Variants in PLA2G6 observed in about 807,000 individuals in gnomAD.
PLA2G6 encodes phospholipase A2 group VI.
In PLA2G6, 62 loss-of-function variants were observed where a neutral mutation model predicts 83.8. That is an observed-to-expected ratio of 0.74 (90% CI 0.60 to 0.91). PLA2G6 has a LOEUF of 0.91. Among genes scored for constraint, PLA2G6 ranks in the 40% least tolerant of loss-of-function variants. The probability of loss-of-function intolerance (pLI) is 0.00; values close to 1 mark genes in which losing one functional copy is unlikely to be tolerated. For synonymous variants in PLA2G6, 417 were observed against 449.8 expected (o/e 0.93, Z 0.92); for missense variants, 944 against 1,102.0 (o/e 0.86, Z 2.03).
intron 14 of PLA2G6, among the ~76,000 whole-genome samples, chr22:38,114,733 C>T (rs907613946): frequency 2.6e-5 from 4 of 152,196 alleles, no homozygotes; most frequent in Non-Finnish European, 4.4e-5. Context: ...CCTGGGGCTT[C>T]GGGAAACCAC....
At chr22:38,157,155 T>C (rs1231451498) in intron 2 of PLA2G6, among the ~76,000 whole-genome samples, 1 of 151,390 alleles carries the variant, frequency 6.6e-6, no homozygotes, top group Non-Finnish European at 1.5e-5. Context: ...AACAAAACAA[T>C]ACAAAAGATC....
intron 5 of PLA2G6, 67 bp downstream of exon 5, chr22:38,139,915 C>G: frequency 1.5e-6 from 2 of 1,306,780 alleles, no homozygotes; most frequent in East Asian, 2.5e-5. Context: ...TTGCCTCAGG[C>G]ACGGGACAGG....
chr22:38,125,222 A>G lies in PLA2G6; in HGVS notation c.1427+1149T>C, dbSNP rs531665195. Among the ~76,000 whole-genome samples the G allele has an allele frequency of 5.3e-5, 8 of 151,954 alleles. No homozygotes were observed. In the East Asian group the frequency reaches 1.4e-3, roughly 26 times the overall value. ...TGTGTGTGCATGCACGTGTGTTTGCATGTGTGCATGTGTGTGCGTGTCCAT... is the reference window on the plus strand; with the variant it reads ...TGTGTGTGCATGCACGTGTGTTTGCGTGTGTGCATGTGTGTGCGTGTCCAT... On this transcript the variant is annotated intron_variant, in intron 10 of 16. Transcript: ENST00000332509.
intron 9 of PLA2G6, chr22:38,127,125 C>A: frequency 1.8e-6 from 2 of 1,127,578 alleles, no homozygotes; most frequent in Non-Finnish European, 2.2e-6. Flanking sequence ...CCTGGTGCAG[C>A]AGCCCGCGTG....
At chr22:38,144,972 C>G (rs1422491066) in intron 3 of PLA2G6, 1 of 366,680 alleles carries the variant, frequency 2.7e-6, no homozygotes, top group Non-Finnish European at 5.2e-6. Context: ...GGTGAGCACT[C>G]CGGACTCTGG....
rs970135763 is a variant in PLA2G6 at position 38,170,129 on chromosome 22, C to T, written c.-45-658G>A. 2.1e-4 allele frequency among the ~76,000 whole-genome samples: 31 copies of T among 147,684 alleles called. 2 individuals carry two copies. Among genetic ancestry groups the T allele is most frequent in the Middle Eastern group, 3.5e-3 (1 of 286 alleles). ...AGGAGAATCACTTGAACCCGGGAGG[C>T]AGAGGTTGCAGTGAGCTGAGATCGC... On this transcript the variant is annotated intron_variant, in intron 1 of 16. Transcript: ENST00000332509.
chr22:38,148,631 G>T, intron 2 of PLA2G6: 1 of 704,254 alleles, frequency 1.4e-6, no homozygotes, highest in South Asian at 1.5e-5. Flanking sequence ...CGTCTGCCAA[G>T]AGGAGAGCCC....
At chr22:38,161,595 G>A (rs9622743) in intron 2 of PLA2G6, among the ~76,000 whole-genome samples, 6,111 of 152,254 alleles carry the variant, frequency 0.04, 173 homozygotes, top group Middle Eastern at 0.058. Context: ...GTGTCAAGAA[G>A]TAGATGACAG....
intron 2 of PLA2G6, chr22:38,147,538 C>CTTTTTTTTTTTTTTTTTTTT: frequency 8.0e-6 from 1 of 124,942 alleles, no homozygotes; most frequent in Non-Finnish European, 1.7e-5. Context: ...CTCCTGAAGC[C>CTTTTTTTTTTTTTTTTTTTT]TTTTTTTTTT....
intron 2 of PLA2G6, among the ~76,000 whole-genome samples, chr22:38,158,940 T>G (rs1451522169): frequency 6.6e-6 from 1 of 152,150 alleles, no homozygotes; most frequent in Non-Finnish European, 1.5e-5. Context: ...GGCTCACACT[T>G]GTAATCCCAG....
At chr22:38,125,185 T>C (rs534205084) in intron 10 of PLA2G6, among the ~76,000 whole-genome samples, 9 of 152,022 alleles carry the variant, frequency 5.9e-5, no homozygotes, top group Non-Finnish European at 7.4e-5. Context: ...TGTGTATGTG[T>C]GCGCATGTGT....
rs1162262467 is a variant in PLA2G6 at position 38,142,822 on chromosome 22, G to A, written c.609+283C>T. ...GTTTGTGCTCAGGAAAAGTGGAACT[G>A]AACTAACTGACTGGAGCTGGGCCTT... is the stretch of plus-strand genomic sequence containing the variant. On this transcript the variant is annotated intron_variant, in intron 4 of 16. Coordinates refer to ENST00000332509, the MANE Select transcript of PLA2G6 (RefSeq NM_003560.4). 1.5e-5 allele frequency: 7 copies of A among 470,308 alleles called. 1 individual carries two copies. The East Asian group carries it at 3.0e-4, about 20-fold the overall frequency. 29.1% of individuals were successfully genotyped at this position (470,308 alleles called of 1,614,324 possible).
Position 38,120,780 on chromosome 22 carries a change from ATCTTGGTGTGCT to A in PLA2G6, c.1709_1720del (p.Glu570_Met574delinsVal). Reference sequence around the variant, plus strand: ...TTACTTGGGTTTCCTGACGTCCGTCATCTTGGTGTGCTCCCCAAACTCCCGCTTCAGGAACTC... The same window carrying A: ...TTACTTGGGTTTCCTGACGTCCGTCACCCCAAACTCCCGCTTCAGGAACTC... On this transcript the variant is annotated inframe_deletion, in exon 12 of 17. Coordinates refer to ENST00000332509, the MANE Select transcript of PLA2G6 (RefSeq NM_003560.4). 1 of 1,613,792 alleles carries A rather than the reference ATCTTGGTGTGCT, an allele frequency of 6.2e-7. No homozygotes were observed. Among genetic ancestry groups the A allele is most frequent in the South Asian group, 1.1e-5 (1 of 91,080 alleles).
intron 2 of PLA2G6, among the ~76,000 whole-genome samples, chr22:38,154,521 T>G (rs1279938282): frequency 6.6e-6 from 1 of 152,222 alleles, no homozygotes; most frequent in African/African-American, 2.4e-5. Context: ...CCTTTACGAG[T>G]CTGCAAGAGC....
In PLA2G6 at chr22:38,143,303, C is replaced by G; in HGVS notation, c.426-15G>C. ...AATTGGCACAGCTGCAGGAGAGGGC[C>G]AGGGTGAGCAGAGGTGAGCAGGTGT... On this transcript the variant is annotated splice_polypyrimidine_tract_variant and intron_variant, in intron 3 of 16. Coordinates refer to ENST00000332509, the MANE Select transcript of PLA2G6 (RefSeq NM_003560.4). 6.2e-7 allele frequency: 1 copy of G among 1,608,202 alleles called. No homozygotes were observed. Among genetic ancestry groups the G allele is most frequent in the Non-Finnish European group, 8.5e-7 (1 of 1,179,914 alleles).
chr22:38,175,388 A>AG (rs1211490475), intron 1 of PLA2G6, among the ~76,000 whole-genome samples: 12 of 152,104 alleles, frequency 7.9e-5, no homozygotes, highest in Admixed American at 4.6e-4. Context: ...GTGGCGCCCC[A>AG]TGACCTCCCA....
At chr22:38,171,560 C>A (rs146452996) in intron 1 of PLA2G6, among the ~76,000 whole-genome samples, 1 of 151,540 alleles carries the variant, frequency 6.6e-6, no homozygotes, top group African/African-American at 2.4e-5. Context: ...GGCTCATGCC[C>A]GTAATCCCAG....
Position 38,123,960 on chromosome 22 carries a change from C to T in PLA2G6, c.1428-702G>A, listed in dbSNP as rs751856525. ...AAACGATTCTCCTGCCTCAACCTCC[C>T]GAGTAGCTGGGATCACAGGTGCCCG... On this transcript the variant is annotated intron_variant, in intron 10 of 16. Coordinates refer to ENST00000332509, the MANE Select transcript of PLA2G6 (RefSeq NM_003560.4). The surrounding 1 kb of genome is among the most constrained non-coding windows in gnomAD (Gnocchi z 4.1). 5.8e-4 allele frequency among the ~76,000 whole-genome samples: 88 copies of T among 152,192 alleles called. No individual in the cohort carries two copies. The highest frequency in any genetic ancestry group is 1.9e-3 in the African/African-American group (80 of 41,508).
chr22:38,112,251 C>A lies in PLA2G6; in HGVS notation c.2331G>T (p.Val777=). The A allele has an allele frequency of 6.2e-7, 1 of 1,613,518 alleles. No individual in the cohort carries two copies. Among genetic ancestry groups the A allele is most frequent in the Non-Finnish European group, 8.5e-7 (1 of 1,179,802 alleles). ...DIMLDEVSDT[V]LVNALWETEV... ...CGGTCTCCCAGAGGGCGTTGACCAG[C>A]ACTGTGTCACTGACCTCATCCAGCA... Residue 777 remains valine, a synonymous_variant, in exon 17 of 17, where the codon GTG becomes GTT. Transcript: ENST00000332509.
Sources: allele counts gnomAD v4.1 joint callset (sites outside exome capture counted in the v4.1 genomes callset), GRCh38; gene constraint gnomAD v4.1.1; non-coding constraint Gnocchi (gnomAD v3.1); transcripts MANE v1.5; gene names NCBI Gene and HGNC (gene_info 2026-07-23, HGNC 2026-07-21).